WDFY3: variants seen among roughly 807,000 people sequenced by gnomAD.
The protein encoded by WDFY3 is WD repeat and FYVE domain-containing protein 3.
Under a neutral mutation model 409.6 loss-of-function variants are expected in WDFY3, and 66 were observed. The ratio of observed to expected loss-of-function variants is 0.16; its 90% confidence interval spans 0.13 to 0.20. The LOEUF is 0.20. Ranked by LOEUF, WDFY3 falls within the 10% of genes least tolerant of loss-of-function variation. The pLI, the probability that WDFY3 is intolerant of heterozygous loss-of-function variation, is 1.00. For synonymous variants in WDFY3, 1,521 were observed against 1,537.1 expected, an observed-to-expected ratio of 0.99 and a Z score of 0.25; for missense variants, 3,031 against 4,298.1, an observed-to-expected ratio of 0.71 and a Z score of 8.24.
chr4:84,682,711 T>C (rs912796807), intron 63 of WDFY3: 4 of 444,862 alleles, frequency 9.0e-6, no homozygotes, highest in African/African-American at 8.0e-5. Flanking sequence ...TCAGGCCAGG[T>C]GTAGTGCTGC....
intron 32 of WDFY3, among the ~76,000 whole-genome samples, chr4:84,759,575 G>T (rs1440152717): frequency 6.7e-6 from 1 of 150,246 alleles, no homozygotes; most frequent in Non-Finnish European, 1.5e-5. Flanking sequence ...AATTGTGAAT[G>T]GGAGTTCACT....
At chr4:84,904,907 G>A (rs546443229) in intron 2 of WDFY3, among the ~76,000 whole-genome samples, 2 of 152,242 alleles carry the variant, frequency 1.3e-5, no homozygotes, top group African/African-American at 4.8e-5. Context: ...GGGAGGCCAA[G>A]GCAGGCGGAT....
intron 1 of WDFY3, among the ~76,000 whole-genome samples, chr4:84,963,129 A>AC (rs1035384393): frequency 2.7e-5 from 4 of 149,530 alleles, no homozygotes; most frequent in Admixed American, 1.3e-4. Flanking sequence ...CAAAAAAACA[A>AC]AAAAAAAAAA....
chr4:84,877,927 A>G (rs1246575287), intron 3 of WDFY3, among the ~76,000 whole-genome samples: 1 of 152,194 alleles, frequency 6.6e-6, no homozygotes, highest in African/African-American at 2.4e-5. Context: ...AAATAGACCA[A>G]AGGGGGCAAA....
rs1259740733 is a variant in WDFY3 at position 84,691,726 on chromosome 4, G to T, written c.9109C>A (p.Gln3037Lys). The T allele has an allele frequency of 1.2e-6, 2 of 1,614,008 alleles. No individual in the cohort carries two copies. The highest frequency in any genetic ancestry group is 8.5e-7 in the Non-Finnish European group (1 of 1,179,922). The change falls in exon 60 of 68, where the codon CAG (glutamine) becomes AAG (lysine). Residue 3037 changes from glutamine (Q) to lysine (K), a missense_variant. This residue lies in a region of WDFY3 where 152 missense variants were observed against 193.5 expected (regional missense o/e 0.79). Coordinates refer to ENST00000295888, the MANE Select transcript of WDFY3 (RefSeq NM_014991.6). ...CTDKGILAVEQNKVLIPPTWN... is the reference protein window; with the variant it reads ...CTDKGILAVEKNKVLIPPTWN... ...GTTGGTGGGATAAGAACCTTATTCT[G>T]TTCCACCGCAAGAATACCTTTATCT... is the stretch of plus-strand genomic sequence containing the variant.
intron 3 of WDFY3, among the ~76,000 whole-genome samples, chr4:84,882,282 G>T (rs1467949615): frequency 6.6e-6 from 1 of 152,136 alleles, no homozygotes; most frequent in East Asian, 1.9e-4. Flanking sequence ...AGGATTTATG[G>T]AGAGTATCTC....
Position 84,803,346 on chromosome 4 carries a change from C to T in WDFY3, c.2551G>A (p.Ala851Thr). ...SSDAVIIHPGAMLAMLDLLAS... is the reference protein window; with the variant it reads ...SSDAVIIHPGTMLAMLDLLAS... ...AGTAGGTCCAGCATGGCAAGCATGG[C>T]TCCAGGATGAATGATGACTGCATCA... Residue 851 changes from alanine (A) to threonine (T), a missense_variant, in exon 16 of 68, where the codon GCC (alanine) becomes ACC (threonine). Physicochemically the swap from Ala to Thr is moderately conservative, Grantham distance 58 (BLOSUM62 0). Around this residue, in one of 16 missense-constraint regions of WDFY3, gnomAD observed 1,322 missense variants for 1,697.9 expected, o/e 0.78. Coordinates refer to ENST00000295888, the MANE Select transcript of WDFY3 (RefSeq NM_014991.6). The T allele has an allele frequency of 6.2e-7, 1 of 1,614,068 alleles. No homozygotes were observed. The highest frequency in any genetic ancestry group is 8.5e-7 in the Non-Finnish European group (1 of 1,179,992).
At chr4:84,890,128 G>GT (rs1264912089) in intron 3 of WDFY3, among the ~76,000 whole-genome samples, 1 of 151,630 alleles carries the variant, frequency 6.6e-6, no homozygotes, top group Non-Finnish European at 1.5e-5. Context: ...TTTAACTAGT[G>GT]TCTCACTGTA....
chr4:84,792,086 T>C (rs144695698), intron 21 of WDFY3, among the ~76,000 whole-genome samples: 10 of 152,214 alleles, frequency 6.6e-5, no homozygotes, highest in Non-Finnish European at 1.3e-4. Context: ...CAAGTAAATA[T>C]ACTGAAAGTA....
At chr4:84,714,645 G>A (rs1465328268) in intron 50 of WDFY3, among the ~76,000 whole-genome samples, 3 of 152,050 alleles carry the variant, frequency 2.0e-5, no homozygotes, top group African/African-American at 7.2e-5. Context: ...AGCTTATTTT[G>A]AAACTAAAGT....
intron 4 of WDFY3, among the ~76,000 whole-genome samples, chr4:84,854,942 T>C (rs560946924): frequency 6.6e-6 from 1 of 152,082 alleles, no homozygotes; most frequent in African/African-American, 2.4e-5. Context: ...TTTCTGGTTC[T>C]GCAGAGGAAG....
intron 60 of WDFY3, 71 bp downstream of exon 60, chr4:84,691,560 C>A: frequency 6.5e-7 from 1 of 1,533,306 alleles, no homozygotes; most frequent in Non-Finnish European, 8.9e-7. Flanking sequence ...CTCCCCAACC[C>A]TATTAGTCAT....
At chr4:84,757,184 G>C (rs757850268) in intron 32 of WDFY3, 23 bp from the exon 33 acceptor site, 1 of 1,600,702 alleles carries the variant, frequency 6.2e-7, no homozygotes, top group Admixed American at 1.7e-5. Flanking sequence ...GAATATAACA[G>C]TAAGTGCAAA....
chr4:84,736,570 C>G (rs922558046), intron 41 of WDFY3, among the ~76,000 whole-genome samples: 4 of 152,094 alleles, frequency 2.6e-5, no homozygotes, highest in African/African-American at 4.8e-5. Context: ...TAATAACATG[C>G]AAATTTAACT....
At chr4:84,712,012 C>T (rs1732984851) in intron 51 of WDFY3, among the ~76,000 whole-genome samples, 2 of 151,832 alleles carry the variant, frequency 1.3e-5, no homozygotes, top group South Asian at 2.1e-4. Context: ...ATTAAGGGGA[C>T]TCTACCACAA....
intron 2 of WDFY3, among the ~76,000 whole-genome samples, chr4:84,929,176 G>A (rs1329497834): frequency 1.3e-5 from 2 of 152,180 alleles, no homozygotes; most frequent in African/African-American, 4.8e-5. Flanking sequence ...ACTGAAATTA[G>A]CTTCTCAAAA....
At chr4:84,715,776 G>GAA (rs370627075) in intron 49 of WDFY3, among the ~76,000 whole-genome samples, 33 of 46,280 alleles carry the variant, frequency 7.1e-4, no homozygotes, top group East Asian at 1.2e-3. Flanking sequence ...CTCTGTCTCA[G>GAA]AAAAAAAAAA....
At chr4:84,739,382 T>C in intron 39 of WDFY3, 3 of 354,114 alleles carry the variant, frequency 8.5e-6, no homozygotes, top group Non-Finnish European at 1.6e-5. Flanking sequence ...ATTGTGAACA[T>C]TTTTACCTAA....
chr4:84,729,946 A>C (rs1736307307), intron 44 of WDFY3, among the ~76,000 whole-genome samples: 1 of 152,200 alleles, frequency 6.6e-6, no homozygotes, highest in Admixed American at 6.5e-5. Context: ...CACAAAAAGT[A>C]CTGACTATAT....
Sources: allele counts gnomAD v4.1 joint callset (sites outside exome capture counted in the v4.1 genomes callset), GRCh38; gene constraint gnomAD v4.1.1; regional missense constraint gnomAD v4.1.1; transcripts MANE v1.5; gene names NCBI Gene and HGNC (gene_info 2026-07-23, HGNC 2026-07-21).